The following REEP3 variants were observed in gnomAD, a reference collection of about 807,000 sequenced individuals.
REEP3 encodes receptor expression-enhancing protein 3.
REEP3 carries 20 observed loss-of-function variants against 41.3 expected under a neutral mutation model. The ratio of observed to expected loss-of-function variants is 0.48; its 90% CI spans 0.34 to 0.70. The LOEUF (loss-of-function observed/expected upper bound fraction) is 0.70, where lower values mean the gene tolerates loss of function less well. REEP3 is among the 30% of genes least tolerant of loss of function. REEP3 has a pLI of 0.01. For missense variants in REEP3, 271 were observed against 308.8 expected (o/e 0.88, Z 0.92); for synonymous variants, 104 against 101.8 (o/e 1.02, Z -0.13).
At position 63,583,208 on chromosome 10, in the gene REEP3, G is replaced by A. The variant is rs75250170; in HGVS notation, c.106-11570G>A. Among the ~76,000 whole-genome samples the A allele has an allele frequency of 9.8e-3, 1,487 of 152,100 alleles. 22 individuals carry two copies. The highest frequency in any genetic ancestry group is 0.033 in the African/African-American group (1,379 of 41,492). ...GAGTTTCACTGTGTTAGCCAGGATG[G>A]TGTTGATCACCTGACCTCATGATCC... On this transcript the variant is annotated intron_variant, in intron 2 of 7. Transcript: ENST00000373758.
At chr10:63,524,411 C>T (rs1471282144) in intron 1 of REEP3, among the ~76,000 whole-genome samples, 1 of 152,096 alleles carries the variant, frequency 6.6e-6, no homozygotes, top group East Asian at 1.9e-4. Flanking sequence ...CACTTTAACA[C>T]CAGAGAAATT....
chr10:63,565,366 G>C (rs10822181), intron 1 of REEP3, among the ~76,000 whole-genome samples: 1 of 151,980 alleles, frequency 6.6e-6, no homozygotes, highest in African/African-American at 2.4e-5. Flanking sequence ...TGTGTATACT[G>C]TGTCGTGAGA....
chr10:63,575,814 A>G (rs1268453790), intron 2 of REEP3, among the ~76,000 whole-genome samples: 1 of 152,110 alleles, frequency 6.6e-6, no homozygotes, highest in Non-Finnish European at 1.5e-5. Flanking sequence ...GCTCACCGCA[A>G]CCTCTGCCTC....
chr10:63,545,664 C>T (rs567836961), intron 1 of REEP3, among the ~76,000 whole-genome samples: 3 of 145,114 alleles, frequency 2.1e-5, no homozygotes, highest in African/African-American at 7.6e-5. Context: ...TGAGCCACTG[C>T]GCCTGGCCAA....
intron 1 of REEP3, among the ~76,000 whole-genome samples, chr10:63,538,592 G>C (rs1955497200): frequency 6.6e-6 from 1 of 152,140 alleles, no homozygotes; most frequent in Non-Finnish European, 1.5e-5. Flanking sequence ...AAATTAGCTG[G>C]ATGTGGTGGC....
intron 1 of REEP3, among the ~76,000 whole-genome samples, chr10:63,529,130 CCCT>C (rs1185282588): frequency 2.0e-5 from 3 of 152,132 alleles, no homozygotes; most frequent in Admixed American, 6.5e-5. Flanking sequence ...GCCTTTTTTT[CCCT>C]CCTCCAGAGC....
chr10:63,591,946 C>T (rs537426655), intron 2 of REEP3, among the ~76,000 whole-genome samples: 1 of 152,306 alleles, frequency 6.6e-6, no homozygotes, highest in African/African-American at 2.4e-5. Flanking sequence ...CAACCATCAA[C>T]ACAGTTGTAA....
chr10:63,578,662 AG>A (rs918829213), intron 2 of REEP3, among the ~76,000 whole-genome samples: 1 of 152,110 alleles, frequency 6.6e-6, no homozygotes, highest in African/African-American at 2.4e-5. Flanking sequence ...CTGTAGTCCC[AG>A]CCACTTGAGA....
chr10:63,597,166 G>A (rs1956122934), intron 3 of REEP3, among the ~76,000 whole-genome samples: 3 of 152,138 alleles, frequency 2.0e-5, no homozygotes, highest in Non-Finnish European at 4.4e-5. Context: ...CAACGGGGGA[G>A]GCCCACTGTA....
At chr10:63,586,076 G>A (rs1222987463) in intron 2 of REEP3, among the ~76,000 whole-genome samples, 1 of 152,120 alleles carries the variant, frequency 6.6e-6, no homozygotes, top group African/African-American at 2.4e-5. Context: ...CATTAGGGTA[G>A]GTAAATGCAT....
intron 1 of REEP3, among the ~76,000 whole-genome samples, chr10:63,545,575 A>G (rs1185696870): frequency 6.6e-6 from 1 of 151,388 alleles, no homozygotes. Context: ...GGGTTTCACC[A>G]CGTTGGCCAG....
At chr10:63,602,029 C>T (rs1309151309) in intron 5 of REEP3, among the ~76,000 whole-genome samples, 1 of 151,818 alleles carries the variant, frequency 6.6e-6, no homozygotes, top group African/African-American at 2.4e-5. Context: ...CACTGGTGCC[C>T]ATGTAGCTGC....
At chr10:63,592,485 G>C (rs1956073532) in intron 2 of REEP3, among the ~76,000 whole-genome samples, 1 of 152,124 alleles carries the variant, frequency 6.6e-6, no homozygotes, top group Non-Finnish European at 1.5e-5. Context: ...AAAGCATGAT[G>C]ATTCCCCAAA....
chr10:63,599,699 T>C, intron 5 of REEP3: 1 of 985,062 alleles, frequency 1.0e-6, no homozygotes, highest in African/African-American at 1.7e-5. Flanking sequence ...CACCTCTACT[T>C]CAATCAATTT....
chr10:63,592,841 C>T (rs1375544147), intron 2 of REEP3, among the ~76,000 whole-genome samples: 1 of 151,864 alleles, frequency 6.6e-6, no homozygotes, highest in African/African-American at 2.4e-5. Flanking sequence ...TGCAGTAAGC[C>T]GAGATTGCAC....
At chr10:63,556,339 C>A (rs1197446401) in intron 1 of REEP3, among the ~76,000 whole-genome samples, 1 of 151,612 alleles carries the variant, frequency 6.6e-6, no homozygotes, top group African/African-American at 2.4e-5. Context: ...TCAGGCTGGT[C>A]TCGAACTCCT....
In REEP3 at chr10:63,594,781, C is replaced by T. The variant is rs779981551; in HGVS notation, c.109C>T (p.Arg37Ter). The T allele has an allele frequency of 1.6e-5, 26 of 1,600,964 alleles. No individual in the cohort carries two copies. Among genetic ancestry groups the T allele is most frequent in the Middle Eastern group, 1.7e-4 (1 of 6,060 alleles). The change falls in exon 3 of 8, where the codon CGA (arginine) becomes TGA (stop). Residue 37 changes from arginine to a stop codon, truncating the protein, a stop_gained. Transcript: ENST00000373758. LOFTEE classifies it high-confidence loss of function. ...TGAGTATTTTTATTATTTCCAGGTT[C>T]GATGGATGATGTACTGGATTGTTTT... is the stretch of plus-strand genomic sequence containing the variant. ...VKTKNVKEYV[R>*]WMMYWIVFAL...
chr10:63,599,326 C>T (rs778729635), intron 5 of REEP3, 43 bp downstream of exon 5: 1 of 876,250 alleles, frequency 1.1e-6, no homozygotes, highest in Non-Finnish European at 1.7e-6. Flanking sequence ...CATATTAAGT[C>T]AACAAATAAA....
At position 63,577,295 on chromosome 10, in the gene REEP3, C is replaced by T. The variant is rs571331150; in HGVS notation, c.105+10885C>T. ...CAGAAACCCTCTGATTCACCCCTTT[C>T]CAGAGAATAAACATAAGGGTTTCCC... On this transcript the variant is annotated intron_variant, in intron 2 of 7. Coordinates refer to ENST00000373758, the MANE Select transcript of REEP3 (RefSeq NM_001001330.3). Among the ~76,000 whole-genome samples, 16 of 152,256 alleles carry T rather than the reference C, an allele frequency of 1.1e-4. No homozygotes were observed. The South Asian group carries it at 3.3e-3, about 32-fold the overall frequency.
Sources: allele counts gnomAD v4.1 joint callset (sites outside exome capture counted in the v4.1 genomes callset), GRCh38; gene constraint gnomAD v4.1.1; transcripts MANE v1.5; gene names NCBI Gene and HGNC (gene_info 2026-07-23, HGNC 2026-07-21).